Variants in KHDRBS2 observed in about 807,000 individuals in gnomAD.
The protein encoded by KHDRBS2 is KH RNA binding domain containing, signal transduction associated 2, also known as KH domain-containing, RNA-binding, signal transduction-associated protein 2.
A neutral mutation model predicts 44.3 loss-of-function variants in KHDRBS2; 26 were observed. That is an observed-to-expected ratio of 0.59 (90% CI 0.43 to 0.81). The LOEUF is 0.81. Ranked by LOEUF, KHDRBS2 falls within the 40% of genes least tolerant of loss-of-function variation. The probability of loss-of-function intolerance (pLI) is 0.00; values close to 1 mark genes in which losing one functional copy is unlikely to be tolerated. For missense variants in KHDRBS2, 476 were observed against 433.1 expected, an observed-to-expected ratio of 1.10 and a Z score of -0.88; for synonymous variants, 194 against 151.1, an observed-to-expected ratio of 1.28 and a Z score of -2.08.
At chr6:61,597,773 T>TATATATATACACAC in the KHDRBS2 span, among the ~76,000 whole-genome samples, 2 of 42,330 alleles carry the variant, frequency 4.7e-5, no homozygotes, top group Admixed American at 6.4e-4. Flanking sequence ...TATATATATA[T>TATATATATACACAC]ACACCAAGAT....
At chr6:62,146,178 C>T (rs1401697236) in intron 2 of KHDRBS2, among the ~76,000 whole-genome samples, 1 of 151,716 alleles carries the variant, frequency 6.6e-6, no homozygotes, top group South Asian at 2.1e-4. Context: ...ACTGAAAGGG[C>T]AAAACTGGCT....
chr6:62,198,203 C>A (rs1270136970), intron 1 of KHDRBS2, among the ~76,000 whole-genome samples: 1 of 152,070 alleles, frequency 6.6e-6, no homozygotes, highest in African/African-American at 2.4e-5. Context: ...CAAACACATT[C>A]AAAAGCCAGC....
intron 1 of KHDRBS2, among the ~76,000 whole-genome samples, chr6:62,222,739 A>G (rs1355492470): frequency 1.3e-5 from 2 of 152,190 alleles, no homozygotes; most frequent in African/African-American, 4.8e-5. Flanking sequence ...CAAAGGGGTT[A>G]CAGGCCCCAT....
intron 6 of KHDRBS2, among the ~76,000 whole-genome samples, chr6:61,795,166 A>G (rs1393005900): frequency 4.6e-5 from 7 of 151,610 alleles, no homozygotes; most frequent in Admixed American, 2.0e-4. Flanking sequence ...AAAAAAAAAA[A>G]AAAAGAAAAA....
At chr6:61,720,626 T>C (rs1456196096) in intron 7 of KHDRBS2, among the ~76,000 whole-genome samples, 3 of 152,164 alleles carry the variant, frequency 2.0e-5, no homozygotes, top group Non-Finnish European at 1.5e-5. Context: ...GATGGGCTTG[T>C]TTGTTTTTTT....
the KHDRBS2 span, among the ~76,000 whole-genome samples, chr6:61,674,074 G>A: frequency 6.6e-6 from 1 of 151,678 alleles, no homozygotes; most frequent in Non-Finnish European, 1.5e-5. Context: ...CATGTGAGTG[G>A]TTTTCTTAAA....
At chr6:61,905,450 G>GAA (rs961031546) in intron 4 of KHDRBS2, among the ~76,000 whole-genome samples, 6 of 145,616 alleles carry the variant, frequency 4.1e-5, no homozygotes, top group Non-Finnish European at 6.1e-5. Flanking sequence ...AAAGAGGAAT[G>GAA]AAAAAAAAAA....
At chr6:61,979,775 A>G (rs1773460633) in intron 3 of KHDRBS2, among the ~76,000 whole-genome samples, 1 of 152,160 alleles carries the variant, frequency 6.6e-6, no homozygotes, top group South Asian at 2.1e-4. Context: ...GAGGTGTAGT[A>G]AAGATTTCTT....
At chr6:61,561,546 G>A in the KHDRBS2 span, among the ~76,000 whole-genome samples, 1 of 152,072 alleles carries the variant, frequency 6.6e-6, no homozygotes, top group African/African-American at 2.4e-5. Flanking sequence ...AGCTTAGCTG[G>A]TACCCAAACC....
chr6:62,103,810 G>C (rs914570522), intron 2 of KHDRBS2, among the ~76,000 whole-genome samples: 5 of 152,096 alleles, frequency 3.3e-5, no homozygotes, highest in East Asian at 1.9e-4. Context: ...AATGAAACAA[G>C]ACTGATACCA....
intron 2 of KHDRBS2, among the ~76,000 whole-genome samples, chr6:62,050,428 TTAA>T (rs1788741069): frequency 2.1e-5 from 1 of 47,806 alleles, no homozygotes; most frequent in Admixed American, 3.0e-4. Flanking sequence ...GAACTTAAAG[TTAA>T]AAAAAAAAAA....
intron 2 of KHDRBS2, among the ~76,000 whole-genome samples, chr6:62,064,661 C>T (rs1293105763): frequency 6.6e-6 from 1 of 151,808 alleles, no homozygotes; most frequent in South Asian, 2.1e-4. Flanking sequence ...AACGTTAGAC[C>T]TAAAACCATA....
At chr6:61,909,802 G>T (rs1312220865) in intron 4 of KHDRBS2, among the ~76,000 whole-genome samples, 1 of 152,192 alleles carries the variant, frequency 6.6e-6, no homozygotes, top group Non-Finnish European at 1.5e-5. Context: ...ACTTGCATAT[G>T]GATGCCAGGT....
chr6:62,072,605 G>T (rs1463993270), intron 2 of KHDRBS2, among the ~76,000 whole-genome samples: 2 of 152,084 alleles, frequency 1.3e-5, no homozygotes, highest in Non-Finnish European at 2.9e-5. Flanking sequence ...TAGTCATGTG[G>T]TTTTTGTCTT....
chr6:62,191,980 C>A (rs946510847), intron 1 of KHDRBS2, among the ~76,000 whole-genome samples: 19 of 151,842 alleles, frequency 1.3e-4, no homozygotes, highest in African/African-American at 4.6e-4. Flanking sequence ...ATTTTAAAAC[C>A]TAGCATAATC....
chr6:61,655,367 C>A, the KHDRBS2 span, among the ~76,000 whole-genome samples: 1 of 151,866 alleles, frequency 6.6e-6, no homozygotes, highest in Non-Finnish European at 1.5e-5. Flanking sequence ...GATACTCCTG[C>A]CTCAGCCTCC....
chr6:61,759,997 T>C (rs1779043885), intron 6 of KHDRBS2, among the ~76,000 whole-genome samples: 1 of 152,224 alleles, frequency 6.6e-6, no homozygotes, highest in East Asian at 1.9e-4. Flanking sequence ...AGCTTTCTTG[T>C]ATTTGTTTGC....
chr6:61,589,176 G>A, the KHDRBS2 span, among the ~76,000 whole-genome samples: 27 of 152,074 alleles, frequency 1.8e-4, no homozygotes, highest in Admixed American at 8.5e-4. Context: ...AACCACCATG[G>A]CACATGTATA....
intron 4 of KHDRBS2, among the ~76,000 whole-genome samples, chr6:61,935,636 C>T (rs1810885325): frequency 6.6e-6 from 1 of 152,138 alleles, no homozygotes; most frequent in Non-Finnish European, 1.5e-5. Context: ...AGTGACATTG[C>T]TTTGCTCAGT....
Sources: allele counts gnomAD v4.1 joint callset (sites outside exome capture counted in the v4.1 genomes callset), GRCh38; gene constraint gnomAD v4.1.1; transcripts MANE v1.5; gene names NCBI Gene and HGNC (gene_info 2026-07-23, HGNC 2026-07-21).